CTNNA3: variants seen among roughly 807,000 people sequenced by gnomAD.
CTNNA3 encodes catenin alpha-3.
Under a neutral mutation model 95.7 loss-of-function variants are expected in CTNNA3, and 76 were observed. That is an observed-to-expected ratio of 0.79 (90% CI 0.66 to 0.96). The LOEUF is 0.96. Among genes scored for constraint, CTNNA3 ranks in the 40% least tolerant of loss-of-function variants. The probability of loss-of-function intolerance (pLI) is 0.00; values close to 1 mark genes in which losing one functional copy is unlikely to be tolerated. For synonymous variants in CTNNA3, 431 were observed against 374.4 expected, an observed-to-expected ratio of 1.15 and a Z score of -1.74; for missense variants, 1,191 against 1,089.8, an observed-to-expected ratio of 1.09 and a Z score of -1.31.
At chr10:66,885,692 C>T (rs1845016858) in intron 7 of CTNNA3, among the ~76,000 whole-genome samples, 2 of 151,996 alleles carry the variant, frequency 1.3e-5, no homozygotes, top group Admixed American at 1.3e-4. Context: ...GTATTTTAGC[C>T]CTCTTGTGCA....
chr10:66,211,633 C>G (rs2088161832), intron 13 of CTNNA3, among the ~76,000 whole-genome samples: 1 of 152,162 alleles, frequency 6.6e-6, no homozygotes, highest in Non-Finnish European at 1.5e-5. Flanking sequence ...GGGATGAATT[C>G]CAGAAGCCAA....
At chr10:67,513,668 C>T (rs762185487) in intron 5 of CTNNA3, among the ~76,000 whole-genome samples, 6 of 152,130 alleles carry the variant, frequency 3.9e-5, no homozygotes, top group Non-Finnish European at 8.8e-5. Flanking sequence ...GCCATCAGAG[C>T]CTTTCATTAT....
chr10:67,442,844 T>A (rs959081762), intron 5 of CTNNA3, among the ~76,000 whole-genome samples: 104 of 151,946 alleles, frequency 6.8e-4, no homozygotes, highest in Admixed American at 5.2e-3. Context: ...GTGCACAATG[T>A]GCAGGTTAGT....
At chr10:66,632,994 G>A (rs1471855171) in intron 9 of CTNNA3, among the ~76,000 whole-genome samples, 1 of 152,018 alleles carries the variant, frequency 6.6e-6, no homozygotes, top group African/African-American at 2.4e-5. Flanking sequence ...AGAAAATCAC[G>A]GTTTTTGCTC....
chr10:67,557,385 A>C (rs1841296836), intron 3 of CTNNA3, among the ~76,000 whole-genome samples: 1 of 152,186 alleles, frequency 6.6e-6, no homozygotes, highest in African/African-American at 2.4e-5. Context: ...TTTCACCATT[A>C]AGCATTCAAT....
At chr10:67,305,516 TAGAG>T (rs1273297972) in intron 5 of CTNNA3, among the ~76,000 whole-genome samples, 1 of 151,906 alleles carries the variant, frequency 6.6e-6, no homozygotes, top group African/African-American at 2.4e-5. Context: ...CTAAAATCTA[TAGAG>T]AATCATGGAA....
At chr10:67,460,399 G>T (rs138005255) in intron 5 of CTNNA3, among the ~76,000 whole-genome samples, 1 of 152,114 alleles carries the variant, frequency 6.6e-6, no homozygotes, top group Non-Finnish European at 1.5e-5. Flanking sequence ...AGTCTGGCTC[G>T]TTTGGTTTAA....
intron 7 of CTNNA3, among the ~76,000 whole-genome samples, chr10:66,856,153 T>C (rs963616784): frequency 6.6e-6 from 1 of 152,050 alleles, no homozygotes; most frequent in Non-Finnish European, 1.5e-5. Context: ...AGTTCCCACC[T>C]GTAAGTGAGA....
intron 7 of CTNNA3, among the ~76,000 whole-genome samples, chr10:66,791,956 T>C (rs1564686302): frequency 1.3e-5 from 2 of 152,098 alleles, no homozygotes; most frequent in Non-Finnish European, 2.9e-5. Flanking sequence ...ACTGAAAAGA[T>C]ATAACATCAT....
chr10:66,636,525 G>T (rs7072222), intron 9 of CTNNA3, among the ~76,000 whole-genome samples: 88,329 of 151,910 alleles, frequency 0.58, 26,395 homozygotes, highest in East Asian at 0.95. Context: ...ACCAACATAT[G>T]AATTCTATTT....
chr10:66,082,589 A>C (rs2133650486), intron 14 of CTNNA3, among the ~76,000 whole-genome samples: 1 of 152,304 alleles, frequency 6.6e-6, no homozygotes, highest in Middle Eastern at 3.4e-3. Context: ...TAGTAGTATA[A>C]TACCAATGGT....
intron 3 of CTNNA3, among the ~76,000 whole-genome samples, chr10:67,581,375 A>G (rs571677757): frequency 7.0e-4 from 107 of 152,256 alleles, no homozygotes; most frequent in African/African-American, 2.5e-3. Context: ...TGATTTGTGT[A>G]TGTTGAACCA....
rs532576675 is a variant in CTNNA3 at position 66,822,429 on chromosome 10, C to G, written c.1048-46905G>C. Among the ~76,000 whole-genome samples the G allele has an allele frequency of 1.9e-4, 29 of 152,214 alleles. No homozygotes were observed. The South Asian group carries it at 6.0e-3, about 32-fold the overall frequency. On this transcript the variant is annotated intron_variant, in intron 7 of 17. Coordinates refer to ENST00000433211, the MANE Select transcript of CTNNA3 (RefSeq NM_013266.4). Reference sequence around the variant, plus strand: ...GTGACTAACCACTATTCCTGATTTTCTGGATACTTTCAGAGGAATATTTTC... The same window carrying G: ...GTGACTAACCACTATTCCTGATTTTGTGGATACTTTCAGAGGAATATTTTC...
chr10:67,687,643 G>T (rs1840759524), intron 1 of CTNNA3, among the ~76,000 whole-genome samples: 1 of 152,116 alleles, frequency 6.6e-6, no homozygotes, highest in Admixed American at 6.5e-5. Context: ...GCTCGCTTTT[G>T]GAGCTTTCTC....
chr10:67,650,877 G>C (rs1288432203), intron 1 of CTNNA3, among the ~76,000 whole-genome samples: 2 of 151,992 alleles, frequency 1.3e-5, no homozygotes, highest in Non-Finnish European at 1.5e-5. Flanking sequence ...TTTGCCTAAG[G>C]GTTGCCATTC....
chr10:67,018,698 T>A lies in CTNNA3; in HGVS notation c.1047+161619A>T, dbSNP rs74890781. ...ACAAGCCACTTAACCTCTCTGTGCC[T>A]CAGTTTCCTCATATGCAAAATGAGA... On this transcript the variant is annotated intron_variant, in intron 7 of 17. Transcript: ENST00000433211. 6.2e-3 allele frequency among the ~76,000 whole-genome samples: 948 copies of A among 152,318 alleles called. 10 individuals are homozygous for A. The highest frequency in any genetic ancestry group is 0.021 in the African/African-American group (891 of 41,550).
intron 13 of CTNNA3, among the ~76,000 whole-genome samples, chr10:66,235,579 C>T (rs2089811916): frequency 6.6e-6 from 1 of 151,996 alleles, no homozygotes; most frequent in African/African-American, 2.4e-5. Context: ...TGACTAGTTT[C>T]ACATTCCAAA....
intron 7 of CTNNA3, among the ~76,000 whole-genome samples, chr10:66,990,760 T>C (rs1850996268): frequency 6.6e-6 from 1 of 152,202 alleles, no homozygotes; most frequent in Non-Finnish European, 1.5e-5. Context: ...GTCTCACTAC[T>C]TGATAATGTT....
At chr10:67,753,218 G>A (rs911506544) in intron 1 of CTNNA3, among the ~76,000 whole-genome samples, 5 of 152,062 alleles carry the variant, frequency 3.3e-5, no homozygotes, top group Non-Finnish European at 5.9e-5. Flanking sequence ...ACAAGCAATG[G>A]GGAAAGGATT....
Sources: allele counts gnomAD v4.1 joint callset (sites outside exome capture counted in the v4.1 genomes callset), GRCh38; gene constraint gnomAD v4.1.1; transcripts MANE v1.5; gene names NCBI Gene and HGNC (gene_info 2026-07-23, HGNC 2026-07-21).